LAMA2: variants seen among roughly 807,000 people sequenced by gnomAD.
LAMA2 encodes laminin subunit alpha-2.
LAMA2 carries 269 observed loss-of-function variants against 364.8 expected under a neutral mutation model. The ratio of observed to expected loss-of-function variants is 0.74; its 90% CI spans 0.67 to 0.82. LAMA2 has a LOEUF of 0.82. LAMA2 is among the 40% of genes least tolerant of loss of function. The pLI, the probability that LAMA2 is intolerant of heterozygous loss-of-function variation, is 0.00. For missense variants in LAMA2, 3,807 were observed against 3,873.2 expected (o/e 0.98, Z 0.45); for synonymous variants, 1,379 against 1,370.6 (o/e 1.01, Z -0.14).
chr6:129,173,045 C>T (rs549812760), intron 9 of LAMA2, among the ~76,000 whole-genome samples: 61 of 152,272 alleles, frequency 4.0e-4, no homozygotes, highest in Non-Finnish European at 7.5e-4. Context: ...GCAGGGTGCG[C>T]GCACCCACTG....
intron 1 of LAMA2, among the ~76,000 whole-genome samples, chr6:128,981,190 C>T (rs566425386): frequency 2.4e-4 from 36 of 152,144 alleles, no homozygotes; most frequent in Non-Finnish European, 5.3e-4. Context: ...TGCCCTACTG[C>T]TTCTCTCCCT....
intron 4 of LAMA2, 118 bp from the exon 5 acceptor site, chr6:129,143,783 A>G: frequency 1.4e-6 from 1 of 733,464 alleles, no homozygotes; most frequent in Non-Finnish European, 2.3e-6. Flanking sequence ...ATGTACCTGA[A>G]TCTGCGTAAC....
chr6:129,238,888 G>C (rs1043561631), intron 12 of LAMA2, among the ~76,000 whole-genome samples: 2 of 151,852 alleles, frequency 1.3e-5, no homozygotes, highest in African/African-American at 4.8e-5. Flanking sequence ...TATTTTTTGA[G>C]ATCTACCTTT....
At chr6:129,094,973 C>G (rs1249977647) in intron 3 of LAMA2, among the ~76,000 whole-genome samples, 1 of 152,218 alleles carries the variant, frequency 6.6e-6, no homozygotes, top group Non-Finnish European at 1.5e-5. Context: ...CTCTAACAAA[C>G]AGGCAAGACC....
chr6:129,294,369 C>T (rs908635515), intron 20 of LAMA2, among the ~76,000 whole-genome samples: 2 of 152,104 alleles, frequency 1.3e-5, no homozygotes, highest in African/African-American at 4.8e-5. Flanking sequence ...AATGGAAATT[C>T]ATTTCTCACG....
intron 40 of LAMA2, among the ~76,000 whole-genome samples, chr6:129,421,723 G>A (rs1303021553): frequency 6.6e-6 from 1 of 152,084 alleles, no homozygotes; most frequent in Non-Finnish European, 1.5e-5. Flanking sequence ...CAGACTGCTT[G>A]TAACTGACAG....
intron 47 of LAMA2, among the ~76,000 whole-genome samples, chr6:129,455,475 A>G (rs182068015): frequency 3.2e-4 from 49 of 152,276 alleles, no homozygotes; most frequent in African/African-American, 1.1e-3. Flanking sequence ...ACCTTATTTG[A>G]TAAATTCATT....
At chr6:128,943,269 C>CAGAGAGAG (rs6149801) in intron 1 of LAMA2, among the ~76,000 whole-genome samples, 19 of 143,188 alleles carry the variant, frequency 1.3e-4, no homozygotes, top group African/African-American at 4.4e-4. Flanking sequence ...TATATATACA[C>CAGAGAGAG]AGAGAGAGAG....
At chr6:128,961,317 T>TGA (rs2114593858) in intron 1 of LAMA2, among the ~76,000 whole-genome samples, 1 of 43,358 alleles carries the variant, frequency 2.3e-5, no homozygotes, top group Non-Finnish European at 5.2e-5. Flanking sequence ...AGAACTAATA[T>TGA]GATATATATA....
intron 7 of LAMA2, among the ~76,000 whole-genome samples, chr6:129,151,973 G>T (rs552445485): frequency 6.6e-6 from 1 of 152,138 alleles, no homozygotes; most frequent in African/African-American, 2.4e-5. Flanking sequence ...GTTCCCTAAA[G>T]TTTGAAACTC....
At chr6:129,053,771 G>C (rs894592630) in intron 2 of LAMA2, among the ~76,000 whole-genome samples, 1 of 152,154 alleles carries the variant, frequency 6.6e-6, no homozygotes, top group Non-Finnish European at 1.5e-5. Context: ...ACACTGAAGA[G>C]GTAATAAATG....
rs190949151 is a variant in LAMA2 at position 129,371,815 on chromosome 6, G to A, written c.4959+1825G>A. Among the ~76,000 whole-genome samples the A allele has an allele frequency of 1.5e-3, 226 of 151,886 alleles. 1 individual carries two copies. Among genetic ancestry groups the A allele is most frequent in the Middle Eastern group, 3.4e-3 (1 of 294 alleles). Reference sequence around the variant, plus strand: ...AGTAGAGACGGGTTTCACCATGTTCGTCAGGCTGGTCTTGAACTCCTGACC... The same window carrying A: ...AGTAGAGACGGGTTTCACCATGTTCATCAGGCTGGTCTTGAACTCCTGACC... On this transcript the variant is annotated intron_variant, in intron 34 of 64. Transcript: ENST00000421865.
At chr6:129,087,910 T>A (rs12527704) in intron 3 of LAMA2, among the ~76,000 whole-genome samples, 73,280 of 150,034 alleles carry the variant, frequency 0.49, 20,793 homozygotes, top group East Asian at 0.81. Context: ...TTATTTATTT[T>A]TTTTATTAAT....
intron 53 of LAMA2, among the ~76,000 whole-genome samples, chr6:129,477,150 C>G (rs937912266): frequency 1.3e-5 from 2 of 152,174 alleles, no homozygotes; most frequent in African/African-American, 4.8e-5. Context: ...TATACCTTCA[C>G]TATTCAAAAT....
At chr6:129,253,170 C>G (rs1014222650) in intron 14 of LAMA2, among the ~76,000 whole-genome samples, 3 of 152,158 alleles carry the variant, frequency 2.0e-5, no homozygotes, top group African/African-American at 7.2e-5. Context: ...TTAACTTCAA[C>G]TGTGTCTGAA....
chr6:128,884,146 C>T (rs1197559656), intron 1 of LAMA2, among the ~76,000 whole-genome samples: 2 of 152,056 alleles, frequency 1.3e-5, no homozygotes, highest in African/African-American at 2.4e-5. Context: ...CTCAGAGCCT[C>T]TTAGTGTTTA....
intron 29 of LAMA2, among the ~76,000 whole-genome samples, chr6:129,330,225 TATAAC>T (rs1478321043): frequency 6.6e-6 from 1 of 151,964 alleles, no homozygotes; most frequent in Non-Finnish European, 1.5e-5. Context: ...GCACAGTAAA[TATAAC>T]ATGCTTGCAT....
At chr6:128,909,465 C>G (rs1443851227) in intron 1 of LAMA2, among the ~76,000 whole-genome samples, 1 of 150,068 alleles carries the variant, frequency 6.7e-6, no homozygotes, top group Non-Finnish European at 1.5e-5. Context: ...CAACCCCTGC[C>G]TTTTTTTGTT....
Position 129,445,766 on chromosome 6 carries a change from A to G in LAMA2, c.6374A>G (p.Lys2125Arg), listed in dbSNP as rs937104705. 2 of 1,613,862 alleles carry G rather than the reference A, an allele frequency of 1.2e-6. No homozygotes were observed. Among genetic ancestry groups the G allele is most frequent in the Middle Eastern group, 1.7e-4 (1 of 6,060 alleles). ...AAGGAACTTGAGGATAACCTAAAGA[A>G]AAACATCTCTGAGATAAAGGAATTG... is the stretch of plus-strand genomic sequence containing the variant. ...PIKELEDNLKKNISEIKELIN... is the reference protein window; with the variant it reads ...PIKELEDNLKRNISEIKELIN... The change falls in exon 45 of 65, where the codon AAA (lysine) becomes AGA (arginine). Residue 2125 changes from lysine (K) to arginine (R), a missense_variant. By Grantham distance (26) the Lys-to-Arg change is conservative (BLOSUM62 2). Transcript: ENST00000421865.
Sources: allele counts gnomAD v4.1 joint callset (sites outside exome capture counted in the v4.1 genomes callset), GRCh38; gene constraint gnomAD v4.1.1; transcripts MANE v1.5; gene names NCBI Gene and HGNC (gene_info 2026-07-23, HGNC 2026-07-21).